ARID1A: variants seen among roughly 807,000 people sequenced by gnomAD.
ARID1A encodes the protein AT-rich interaction domain 1A.
A neutral mutation model predicts 212.6 loss-of-function variants in ARID1A; 20 were observed. That is an observed-to-expected ratio of 0.09 (90% CI 0.07 to 0.14). ARID1A has a LOEUF of 0.14. Among genes scored for constraint, ARID1A ranks in the 10% least tolerant of loss-of-function variants. The pLI, the probability that ARID1A is intolerant of heterozygous loss-of-function variation, is 1.00. For synonymous variants in ARID1A, 1,376 were observed against 1,222.1 expected, an observed-to-expected ratio of 1.13 and a Z score of -2.63; for missense variants, 2,587 against 3,059.0, an observed-to-expected ratio of 0.85 and a Z score of 3.64.
At position 26,773,371 on chromosome 1, in the gene ARID1A, C is replaced by A. The variant is rs1349314064; in HGVS notation, c.3741C>A (p.Ser1247=). The A allele has an allele frequency of 6.2e-7, 1 of 1,606,680 alleles. No homozygotes were observed. The highest frequency in any genetic ancestry group is 8.5e-7 in the Non-Finnish European group (1 of 1,176,590). ...CTCCAGGGAGTGATCCCTTCATGTCCTCAGGGCAGGGCCCCAACGGCGGGA... is the reference window on the plus strand; with the variant it reads ...CTCCAGGGAGTGATCCCTTCATGTCATCAGGGCAGGGCCCCAACGGCGGGA... The part of the protein sequence containing the change: ...RKAPGSDPFM[S]SGQGPNGGMG... Residue 1247 remains serine (S), a synonymous_variant, in exon 15 of 20, where the codon TCC becomes TCA. Transcript: ENST00000324856.
rs2124104893 is a variant in ARID1A at position 26,772,619 on chromosome 1, T to C, written c.3526T>C (p.Leu1176=). ...CACACCACACAGTCAGATCCCCCCA[T>C]TGCCAGGCATGAGGTAAGGCCAAGA... The part of the protein sequence containing the change: ...ASTPHSQIPP[L]PGMSRSNSVG... The change falls in exon 13 of 20, where the codon TTG becomes CTG. Residue 1176 remains leucine, a synonymous_variant. Coordinates refer to ENST00000324856, the MANE Select transcript of ARID1A (RefSeq NM_006015.6). 2 of 1,614,138 alleles carry C rather than the reference T, an allele frequency of 1.2e-6. No individual in the cohort carries two copies. Among genetic ancestry groups the C allele is most frequent in the Non-Finnish European group, 1.7e-6 (2 of 1,180,020 alleles).
rs548926670 is a variant in ARID1A, at chr1:26,705,194, A to G, written c.1137+7654A>G. On this transcript the variant is annotated intron_variant, in intron 1 of 19. Coordinates refer to ENST00000324856, the MANE Select transcript of ARID1A (RefSeq NM_006015.6). ...TACTTTGTCACCCAGACTGGAGTAC[A>G]GTGGTGCAATCTGGCTCATTGCAAC... 1.8e-3 allele frequency among the ~76,000 whole-genome samples: 279 copies of G among 151,882 alleles called. 2 individuals carry two copies. The highest frequency in any genetic ancestry group is 9.4e-3 in the South Asian group (45 of 4,804).
intron 8 of ARID1A, chr1:26,765,199 A>G (rs367993000): frequency 6.8e-6 from 1 of 146,664 alleles, no homozygotes; most frequent in Admixed American, 6.8e-5. Flanking sequence ...ATCTCAAAAA[A>G]AAATTGGCCG....
At chr1:26,731,041 C>T (rs1322352442) in intron 2 of ARID1A, 111 bp from the exon 3 acceptor site, 3 of 1,219,094 alleles carry the variant, frequency 2.5e-6, no homozygotes, top group African/African-American at 1.5e-5. Flanking sequence ...AGTATGAGGC[C>T]TTGCATGCTT....
chr1:26,724,123 C>T (rs1462946431), intron 1 of ARID1A, among the ~76,000 whole-genome samples: 1 of 151,976 alleles, frequency 6.6e-6, no homozygotes, highest in East Asian at 1.9e-4. Flanking sequence ...CAAATCTAGC[C>T]AGGAATAAAT....
rs1325904758 is a variant in ARID1A, at chr1:26,779,465, A to G, written c.5567A>G (p.Gln1856Arg). The G allele has an allele frequency of 6.2e-7, 1 of 1,614,150 alleles. No homozygotes were observed. Among genetic ancestry groups the G allele is most frequent in the Non-Finnish European group, 8.5e-7 (1 of 1,180,038 alleles). The change falls in exon 20 of 20, where the codon CAG becomes CGG. Residue 1856 changes from glutamine (Q) to arginine (R), a missense_variant. Physicochemically the swap from Gln to Arg is conservative, Grantham distance 43. This residue lies in a region of ARID1A where 890 missense variants were observed against 1,098.2 expected (regional missense o/e 0.81). Transcript: ENST00000324856. ...IGGGDTTEHI[Q>R]THFESKTELL... Reference sequence around the variant, plus strand: ...GGGGGGGACACCACTGAGCATATCCAGACCCACTTCGAGAGCAAGACAGAG... The same window carrying G: ...GGGGGGGACACCACTGAGCATATCCGGACCCACTTCGAGAGCAAGACAGAG...
intron 1 of ARID1A, among the ~76,000 whole-genome samples, chr1:26,715,524 A>G (rs1444967483): frequency 6.6e-6 from 1 of 152,126 alleles, no homozygotes; most frequent in Non-Finnish European, 1.5e-5. Flanking sequence ...AATCTATATC[A>G]CCTCACATGG....
At chr1:26,778,955 C>A in intron 19 of ARID1A, 68 bp from the exon 20 acceptor site, 1 of 1,449,172 alleles carries the variant, frequency 6.9e-7, no homozygotes. Context: ...GGAGGTCTCT[C>A]AAGTCAATAA....
rs2124096862 is a variant in ARID1A at position 26,771,141 on chromosome 1, G to T, written c.3221G>T (p.Arg1074Leu). 6.2e-7 allele frequency: 1 copy of T among 1,614,162 alleles called. No individual in the cohort carries two copies. Among genetic ancestry groups the T allele is most frequent in the Non-Finnish European group, 8.5e-7 (1 of 1,180,044 alleles). The change falls in exon 12 of 20, where the codon CGG (arginine) becomes CTG (leucine). Residue 1074 changes from arginine to leucine, a missense_variant. Arg to Leu is a moderately radical substitution (Grantham distance 102). This residue lies in a region of ARID1A where 44 missense variants were observed against 99.5 expected (regional missense o/e 0.44). Transcript: ENST00000324856. The surrounding 1 kb of genome is among the most constrained non-coding windows in gnomAD (Gnocchi z 5.4). ...CAGGTCAACAAGAACAAAAAATGGC[G>T]GGAACTTGCAACCAACCTCAATGTG... is the stretch of plus-strand genomic sequence containing the variant. Reference protein sequence around the residue: ...LTQVNKNKKWRELATNLNVGT... With the variant: ...LTQVNKNKKWLELATNLNVGT...
intron 14 of ARID1A, 72 bp from the exon 15 acceptor site, chr1:26,773,274 C>T (rs2124109571): frequency 6.7e-7 from 1 of 1,501,334 alleles, no homozygotes. Flanking sequence ...CTGAAGAGGG[C>T]CTGGGTCAAA....
At chr1:26,770,259 G>A (rs1173554148) in intron 11 of ARID1A, 1 of 152,106 alleles carries the variant, frequency 6.6e-6, no homozygotes, top group Admixed American at 6.5e-5. Context: ...ACAGTGACTG[G>A]TAAGGGAAAG....
chr1:26,747,851 AAAAC>A (rs71007892), intron 4 of ARID1A, among the ~76,000 whole-genome samples: 8,189 of 152,194 alleles, frequency 0.054, 305 homozygotes, highest in Non-Finnish European at 0.079. Flanking sequence ...CCCTATCTGA[AAAAC>A]AAACAAATAA....
intron 1 of ARID1A, among the ~76,000 whole-genome samples, chr1:26,709,688 C>T (rs1201314756): frequency 2.0e-5 from 3 of 147,812 alleles, no homozygotes; most frequent in Non-Finnish European, 3.0e-5. Flanking sequence ...TCTCTGTTTC[C>T]CAGGCTGGAG....
chr1:26,710,494 T>TACACACACACACAC (rs61663540), intron 1 of ARID1A, among the ~76,000 whole-genome samples: 13,319 of 131,290 alleles, frequency 0.1, 833 homozygotes, highest in Non-Finnish European at 0.11. Flanking sequence ...AAATAATACA[T>TACACACACACACAC]ACACACACAC....
intron 1 of ARID1A, among the ~76,000 whole-genome samples, chr1:26,710,494 T>TACACACACACACACACACACAC (rs61663540): frequency 0.016 from 2,075 of 131,438 alleles, 79 homozygotes; most frequent in African/African-American, 0.049. Context: ...AAATAATACA[T>TACACACACACACACACACACAC]ACACACACAC....
chr1:26,776,256 GGATTT>G (rs1222014557), intron 19 of ARID1A, among the ~76,000 whole-genome samples: 1 of 151,172 alleles, frequency 6.6e-6, no homozygotes, highest in Non-Finnish European at 1.5e-5. Context: ...AGTGGATGGG[GGATTT>G]GATTGTTTAA....
chr1:26,727,361 CATA>C lies in ARID1A; in HGVS notation c.1138-2285_1138-2283del, dbSNP rs547266252. ...CAGCATTGTCCTAGAACTGCTCTAA[CATA>C]ATAAGCCACTAGCCACATGTAGTTA... On this transcript the variant is annotated intron_variant, in intron 1 of 19. Coordinates refer to ENST00000324856, the MANE Select transcript of ARID1A (RefSeq NM_006015.6). Among the ~76,000 whole-genome samples, 315 of 152,116 alleles carry C rather than the reference CATA, an allele frequency of 2.1e-3. 1 individual carries two copies. The highest frequency in any genetic ancestry group is 7.3e-3 in the African/African-American group (303 of 41,502).
chr1:26,697,823 A>T (rs2080291658), intron 1 of ARID1A, among the ~76,000 whole-genome samples: 1 of 30,176 alleles, frequency 3.3e-5, no homozygotes, highest in Non-Finnish European at 6.3e-5. Context: ...TGCGGGGCAG[A>T]GTGTGCGGGG....
chr1:26,729,573 A>T, intron 1 of ARID1A, 78 bp from the exon 2 acceptor site: 1 of 1,516,290 alleles, frequency 6.6e-7, no homozygotes. Context: ...GACTAAAAAA[A>T]CCTGTGTACT....
Sources: gnomAD v4.1 joint callset for allele counts (sites outside exome capture counted in the v4.1 genomes callset) on GRCh38, gnomAD v4.1.1 for gene constraint, gnomAD v4.1.1 regional missense constraint, Gnocchi (gnomAD v3.1) non-coding constraint, MANE v1.5 for transcripts, NCBI Gene and HGNC (gene_info 2026-07-23, HGNC 2026-07-21) for gene names.